EFHD1: variants seen among roughly 807,000 people sequenced by gnomAD.
EFHD1 encodes the protein EF-hand domain-containing protein D1.
Under a neutral mutation model 17.2 loss-of-function variants are expected in EFHD1, and 10 were observed. The observed-to-expected ratio is 0.58, with a 90% CI of 0.36 to 0.99. The LOEUF is 0.99. Ranked by LOEUF, EFHD1 falls within the 50% of genes least tolerant of loss-of-function variation. The pLI, the probability that EFHD1 is intolerant of heterozygous loss-of-function variation, is 0.01. For synonymous variants in EFHD1, 153 were observed against 142.0 expected (o/e 1.08, Z -0.55); for missense variants, 310 against 327.5 (o/e 0.95, Z 0.41).
At chr2:232,681,010 A>T (rs1050624251) in intron 3 of EFHD1, among the ~76,000 whole-genome samples, 1 of 149,838 alleles carries the variant, frequency 6.7e-6, no homozygotes, top group East Asian at 2.0e-4. Flanking sequence ...ACAAAAATTA[A>T]CCAGGCATGG....
intron 1 of EFHD1, chr2:232,606,275 T>A (rs909205582): frequency 8.5e-6 from 12 of 1,405,308 alleles, no homozygotes; most frequent in East Asian, 2.5e-5. Flanking sequence ...CGGTAATTCC[T>A]GGCTTTCGCC....
upstream of EFHD1, among the ~76,000 whole-genome samples, chr2:232,631,602 C>T (rs1014477842): frequency 1.3e-5 from 2 of 151,066 alleles, no homozygotes; most frequent in Admixed American, 1.3e-4. Flanking sequence ...TGAGCCACCG[C>T]GCCCAGCCCC....
chr2:232,642,285 A>G (rs980727828), intron 1 of EFHD1, among the ~76,000 whole-genome samples: 9 of 144,600 alleles, frequency 6.2e-5, no homozygotes, highest in African/African-American at 2.3e-4. Flanking sequence ...TGGGAGGCTG[A>G]GGCAGGAGAA....
Position 232,669,243 on chromosome 2 carries a change from T to G in EFHD1, c.451-3066T>G, listed in dbSNP as rs191105010. On this transcript the variant is annotated intron_variant, in intron 2 of 3. Coordinates refer to ENST00000264059, the MANE Select transcript of EFHD1 (RefSeq NM_025202.4). ...TCTTCTTTCAAGTCAATGTTCAGGT[T>G]CTGATAATCCACAGCAAACTGAGTC... 7.2e-5 allele frequency among the ~76,000 whole-genome samples: 11 copies of G among 152,278 alleles called. No individual in the cohort carries two copies. The East Asian group carries it at 2.1e-3, about 29-fold the overall frequency.
chr2:232,623,710 G>GA (rs1694060302), intron 1 of EFHD1, among the ~76,000 whole-genome samples: 12 of 127,870 alleles, frequency 9.4e-5, no homozygotes, highest in African/African-American at 3.5e-4. Context: ...AGAAGAAGAA[G>GA]AAGAAGAAAG....
At chr2:232,613,793 TAC>T (rs1379256828) in intron 1 of EFHD1, among the ~76,000 whole-genome samples, 6 of 135,644 alleles carry the variant, frequency 4.4e-5, no homozygotes, top group Non-Finnish European at 9.5e-5. Flanking sequence ...CACACACATA[TAC>T]ACACAAAAAT....
chr2:232,612,034 T>C (rs1165803971), intron 1 of EFHD1: 1 of 152,220 alleles, frequency 6.6e-6, no homozygotes, highest in East Asian at 1.9e-4. Context: ...AGTTTGGGTT[T>C]TTTTTAGGAG....
chr2:232,639,301 G>A (rs1694379903), intron 1 of EFHD1, among the ~76,000 whole-genome samples: 1 of 152,086 alleles, frequency 6.6e-6, no homozygotes, highest in Admixed American at 6.6e-5. Context: ...CTTCTCCCTT[G>A]CAGGATTATT....
chr2:232,661,249 T>C (rs775462948), intron 1 of EFHD1, among the ~76,000 whole-genome samples: 1 of 152,102 alleles, frequency 6.6e-6, no homozygotes. Context: ...ATCACCACCA[T>C]CCATCGCCAG....
intron 1 of EFHD1, among the ~76,000 whole-genome samples, chr2:232,614,955 GAC>G (rs1317281452): frequency 6.6e-6 from 1 of 152,116 alleles, no homozygotes; most frequent in Non-Finnish European, 1.5e-5. Context: ...CAGTCTGGGT[GAC>G]AGAGTGAGAC....
At chr2:232,606,725 A>AG (rs1693719904) in intron 1 of EFHD1, 1 of 149,774 alleles carries the variant, frequency 6.7e-6, no homozygotes, top group East Asian at 2.0e-4. Flanking sequence ...CTACTAAAAA[A>AG]AAAAAAAAAA....
chr2:232,652,456 G>A (rs1219127104), intron 1 of EFHD1, among the ~76,000 whole-genome samples: 3 of 151,960 alleles, frequency 2.0e-5, no homozygotes, highest in Admixed American at 1.3e-4. Context: ...TTGAAACCCC[G>A]GGTTCATTCT....
intron 1 of EFHD1, among the ~76,000 whole-genome samples, chr2:232,616,093 T>C (rs955620574): frequency 6.6e-6 from 1 of 152,148 alleles, no homozygotes; most frequent in Non-Finnish European, 1.5e-5. Context: ...ATAGCCGACT[T>C]ACTCACACAG....
chr2:232,679,089 A>G (rs1346713420), intron 3 of EFHD1, among the ~76,000 whole-genome samples: 1 of 152,176 alleles, frequency 6.6e-6, no homozygotes, highest in Non-Finnish European at 1.5e-5. Flanking sequence ...AAGTGAAATA[A>G]ATGAGCTTAT....
intron 1 of EFHD1, among the ~76,000 whole-genome samples, chr2:232,636,160 T>TA (rs1188663182): frequency 6.6e-6 from 1 of 152,190 alleles, no homozygotes; most frequent in Non-Finnish European, 1.5e-5. Context: ...ATAAGAATGT[T>TA]AAAAACACTA....
rs1482655173 is a variant in EFHD1 at position 232,682,525 on chromosome 2, G to A, written c.*806G>A. 4 of 152,160 alleles carry A rather than the reference G, an allele frequency of 2.6e-5. No individual in the cohort carries two copies. Among genetic ancestry groups the A allele is most frequent in the African/African-American group, 7.2e-5 (3 of 41,406 alleles). 9.4% of individuals were successfully genotyped at this position (152,160 alleles called of 1,614,324 possible). A position where few individuals can be genotyped will look rare whatever the true frequency, so the allele number is the denominator to read the frequency against. On this transcript the variant is annotated 3_prime_UTR_variant, in exon 4 of 4. Transcript: ENST00000264059. ...AATTGTATTACAGTAGACCGCTGACGTTCCCAAGTGACAGATCCAGGGCCT... is the reference window on the plus strand; with the variant it reads ...AATTGTATTACAGTAGACCGCTGACATTCCCAAGTGACAGATCCAGGGCCT...
intron 2 of EFHD1, among the ~76,000 whole-genome samples, chr2:232,664,641 A>T (rs79353089): frequency 1.7e-4 from 16 of 95,140 alleles, no homozygotes; most frequent in East Asian, 3.3e-4. Flanking sequence ...TGAGATGGAG[A>T]CTCGCTCTGT....
chr2:232,681,598 C>T lies in EFHD1; in HGVS notation c.599C>T (p.Ser200Leu). ...ATTTCTCTGCAGGTCCAAGCCTTGT[C>T]ATCGGCCAGTAAGTTTGAAGCAGAG... The part of the protein sequence containing the change: ...NFFEAKVQAL[S>L]SASKFEAELK... Residue 200 changes from serine (S) to leucine (L), a missense_variant, in exon 4 of 4, where the codon TCA becomes TTA. Ser to Leu is a moderately radical substitution (Grantham distance 145). Coordinates refer to ENST00000264059, the MANE Select transcript of EFHD1 (RefSeq NM_025202.4). 6.2e-7 allele frequency: 1 copy of T among 1,614,146 alleles called. No individual in the cohort carries two copies. Among genetic ancestry groups the T allele is most frequent in the Non-Finnish European group, 8.5e-7 (1 of 1,179,980 alleles).
At chr2:232,637,375 A>C (rs1574711410) in intron 1 of EFHD1, among the ~76,000 whole-genome samples, 1 of 123,044 alleles carries the variant, frequency 8.1e-6, no homozygotes, top group Non-Finnish European at 1.6e-5. Flanking sequence ...ATGGAGTCTC[A>C]CTCCATTGCC....
Sources: gnomAD v4.1 joint callset for allele counts (sites outside exome capture counted in the v4.1 genomes callset) on GRCh38, gnomAD v4.1.1 for gene constraint, MANE v1.5 for transcripts, NCBI Gene and HGNC (gene_info 2026-07-23, HGNC 2026-07-21) for gene names.